The following HERC2 variants were observed in gnomAD, a reference collection of about 807,000 sequenced individuals.
HERC2 encodes HECT and RLD domain containing E3 ubiquitin protein ligase 2.
HERC2 carries 102 observed loss-of-function variants against 537.7 expected under a neutral mutation model. That is an observed-to-expected ratio of 0.19 (90% CI 0.16 to 0.22). The LOEUF is 0.22. HERC2 is among the 10% of genes least tolerant of loss of function. The probability of loss-of-function intolerance (pLI) is 1.00; values close to 1 mark genes in which losing one functional copy is unlikely to be tolerated. For missense variants in HERC2, 4,236 were observed against 6,198.2 expected, an observed-to-expected ratio of 0.68 and a Z score of 10.63; for synonymous variants, 2,224 against 2,466.2, an observed-to-expected ratio of 0.90 and a Z score of 2.91.
intron 83 of HERC2, among the ~76,000 whole-genome samples, chr15:28,125,921 C>A (rs1889429226): frequency 6.6e-6 from 1 of 152,220 alleles, no homozygotes; most frequent in South Asian, 2.1e-4. Context: ...GAGCGATTCT[C>A]CGGCCTCAGC....
At chr15:28,161,882 A>G (rs555080994) in intron 69 of HERC2, among the ~76,000 whole-genome samples, 2 of 152,382 alleles carry the variant, frequency 1.3e-5, no homozygotes, top group African/African-American at 4.8e-5. Flanking sequence ...TGGTTTTTAA[A>G]TCACCAGGGA....
At chr15:28,281,802 C>A (rs951163892) in intron 4 of HERC2, among the ~76,000 whole-genome samples, 23 of 152,168 alleles carry the variant, frequency 1.5e-4, no homozygotes, top group African/African-American at 5.6e-4. Context: ...CCCCACCGAG[C>A]CACCCTTCAG....
At position 28,246,845 on chromosome 15, in the gene HERC2, C is replaced by A; in HGVS notation, c.3288G>T (p.Leu1096=). The change falls in exon 22 of 93, where the codon CTG becomes CTT. Residue 1096 remains leucine (L), a synonymous_variant. Coordinates refer to ENST00000261609, the MANE Select transcript of HERC2 (RefSeq NM_004667.6). ...GCAGTATATCTCCAATGTGCGTGCA[C>A]AGGAGGGCTGTGTACTTCTTCAGCA... The part of the protein sequence containing the change: ...GSLLKKYTAL[L]CTHIGDILPV... 1 of 1,612,116 alleles carries A rather than the reference C, an allele frequency of 6.2e-7. No individual in the cohort carries two copies. The highest frequency in any genetic ancestry group is 8.5e-7 in the Non-Finnish European group (1 of 1,179,246).
In HERC2 at chr15:28,280,127, C is replaced by A. The variant is rs774277487; in HGVS notation, c.483G>T (p.Glu161Asp). ...TGCTTTTCCACTTAACTTTGACATT[C>A]TCCTGAAAAACGGTTCTATTCAAGG... Reference protein sequence around the residue: ...FIALNRTVFQENVKVKWKSSG... With the variant: ...FIALNRTVFQDNVKVKWKSSG... Residue 161 changes from glutamate to aspartate, a missense_variant, in exon 5 of 93, where the codon GAG becomes GAT. Physicochemically the swap from Glu to Asp is conservative, Grantham distance 45. Transcript: ENST00000261609. The A allele has an allele frequency of 6.2e-7, 1 of 1,614,136 alleles. No homozygotes were observed. Among genetic ancestry groups the A allele is most frequent in the South Asian group, 1.1e-5 (1 of 91,054 alleles).
At chr15:28,194,654 T>C (rs1410190445) in intron 52 of HERC2, among the ~76,000 whole-genome samples, 1 of 152,258 alleles carries the variant, frequency 6.6e-6, no homozygotes, top group Non-Finnish European at 1.5e-5. Flanking sequence ...TTGGAACTTT[T>C]GTTTGAGCAT....
intron 48 of HERC2, among the ~76,000 whole-genome samples, chr15:28,199,115 C>G (rs1296767829): frequency 6.6e-6 from 1 of 151,960 alleles, no homozygotes; most frequent in African/African-American, 2.4e-5. Flanking sequence ...CAACTGCACT[C>G]CAGCCTGAGT....
intron 5 of HERC2, among the ~76,000 whole-genome samples, chr15:28,277,428 T>G (rs894935770): frequency 6.6e-6 from 1 of 150,680 alleles, no homozygotes; most frequent in African/African-American, 2.4e-5. Context: ...ATCTCTATAC[T>G]GGTTCTTACA....
chr15:28,284,447 G>A (rs561311199), intron 4 of HERC2, among the ~76,000 whole-genome samples: 10 of 151,940 alleles, frequency 6.6e-5, no homozygotes, highest in African/African-American at 2.2e-4. Flanking sequence ...TCAATTAAAA[G>A]ACACCAGGAG....
chr15:28,121,006 G>GT (rs1391807604), intron 86 of HERC2, among the ~76,000 whole-genome samples: 1 of 152,210 alleles, frequency 6.6e-6, no homozygotes, highest in Non-Finnish European at 1.5e-5. Flanking sequence ...TGCTTTGGCT[G>GT]TAACAAATAG....
chr15:28,137,301 G>A (rs1890747723), intron 78 of HERC2, among the ~76,000 whole-genome samples: 1 of 152,136 alleles, frequency 6.6e-6, no homozygotes, highest in Non-Finnish European at 1.5e-5. Flanking sequence ...GGTTCACAAT[G>A]ATCCCTGCTT....
intron 72 of HERC2, 109 bp from the exon 73 acceptor site, chr15:28,144,344 C>T: frequency 8.5e-7 from 1 of 1,172,070 alleles, no homozygotes. Flanking sequence ...CACCAGAAGG[C>T]AACAGCTGGT....
intron 57 of HERC2, among the ~76,000 whole-genome samples, chr15:28,181,554 C>G (rs1895819684): frequency 6.6e-6 from 1 of 152,204 alleles, no homozygotes; most frequent in Non-Finnish European, 1.5e-5. Flanking sequence ...GATGTGATGT[C>G]TCACAGAATA....
chr15:28,269,513 A>G, intron 10 of HERC2, 77 bp from the exon 11 acceptor site: 2 of 1,159,528 alleles, frequency 1.7e-6, no homozygotes, highest in South Asian at 1.4e-5. Flanking sequence ...CTGAGCTACT[A>G]CAAAATAAAA....
At chr15:28,255,777 A>G in intron 19 of HERC2, 95 bp downstream of exon 19, 1 of 1,321,754 alleles carries the variant, frequency 7.6e-7, no homozygotes, top group Non-Finnish European at 1.0e-6. Flanking sequence ...ATAAAAGTTT[A>G]GAGTTTTACT....
At chr15:28,165,970 G>C (rs1252304123) in intron 68 of HERC2, among the ~76,000 whole-genome samples, 2 of 152,146 alleles carry the variant, frequency 1.3e-5, no homozygotes, top group African/African-American at 4.8e-5. Flanking sequence ...AAACACAACT[G>C]ATTCCTATGT....
intron 65 of HERC2, 148 bp downstream of exon 65, chr15:28,174,247 A>C (rs58358300): frequency 0.074 from 37,809 of 510,456 alleles, 5,331 homozygotes; most frequent in African/African-American, 0.47. Context: ...ATCGCATGAG[A>C]GCACACCATA....
At chr15:28,252,342 G>A (rs908102937) in intron 20 of HERC2, among the ~76,000 whole-genome samples, 23 of 151,896 alleles carry the variant, frequency 1.5e-4, no homozygotes, top group African/African-American at 5.6e-4. Flanking sequence ...GCCCTCGTGA[G>A]AACAAAGGAC....
chr15:28,150,741 C>A (rs1467988023), intron 70 of HERC2, among the ~76,000 whole-genome samples: 5 of 151,744 alleles, frequency 3.3e-5, no homozygotes, highest in South Asian at 2.1e-4. Flanking sequence ...AGAACATCAC[C>A]GAGAATGGCC....
Position 28,229,252 on chromosome 15 carries a change from C to T in HERC2, c.5215G>A (p.Ala1739Thr). 6.2e-7 allele frequency: 1 copy of T among 1,613,678 alleles called. No individual in the cohort carries two copies. Among genetic ancestry groups the T allele is most frequent in the Non-Finnish European group, 8.5e-7 (1 of 1,179,682 alleles). ...AAAACATTTCGAATGTTCTGTACAG[C>T]CCAAGCGTACAGCTTGCCAAAGGTG... The part of the protein sequence containing the change: ...EVTFGKLYAW[A>T]VQNIRNVLMD... Residue 1739 changes from alanine to threonine, a missense_variant, in exon 34 of 93, where the codon GCT becomes ACT. Transcript: ENST00000261609.
Sources: gnomAD v4.1 joint callset for allele counts (sites outside exome capture counted in the v4.1 genomes callset) on GRCh38, gnomAD v4.1.1 for gene constraint, MANE v1.5 for transcripts, NCBI Gene and HGNC (gene_info 2026-07-23, HGNC 2026-07-21) for gene names.